ERC2: variants seen among roughly 807,000 people sequenced by gnomAD.
The protein encoded by ERC2 is ERC protein 2.
In ERC2, 42 loss-of-function variants were observed where a neutral mutation model predicts 114.8. That is an observed-to-expected ratio of 0.37 (90% CI 0.29 to 0.47). The LOEUF is 0.47. Ranked by LOEUF, ERC2 falls within the 20% of genes least tolerant of loss-of-function variation. The pLI is 0.99. For missense variants in ERC2, 939 were observed against 1,150.7 expected, an observed-to-expected ratio of 0.82 and a Z score of 2.66; for synonymous variants, 454 against 425.5, an observed-to-expected ratio of 1.07 and a Z score of -0.82.
At chr3:55,895,056 C>T (rs1342020458) in intron 13 of ERC2, among the ~76,000 whole-genome samples, 1 of 152,186 alleles carries the variant, frequency 6.6e-6, no homozygotes, top group African/African-American at 2.4e-5. Context: ...TACACCTGAC[C>T]TCCTTCACAG....
intron 13 of ERC2, among the ~76,000 whole-genome samples, chr3:55,921,965 G>T (rs111843441): frequency 6.6e-6 from 1 of 151,970 alleles, no homozygotes; most frequent in African/African-American, 2.4e-5. Flanking sequence ...AAATTCTAAC[G>T]ATTGTATAAT....
At chr3:55,609,342 A>G (rs1292577780) in intron 17 of ERC2, among the ~76,000 whole-genome samples, 3 of 152,210 alleles carry the variant, frequency 2.0e-5, no homozygotes, top group Admixed American at 6.5e-5. Flanking sequence ...TTCCTCCCCT[A>G]GCCACAGCAT....
intron 3 of ERC2, among the ~76,000 whole-genome samples, chr3:56,211,577 T>A (rs1352990142): frequency 6.6e-6 from 1 of 152,072 alleles, no homozygotes; most frequent in Non-Finnish European, 1.5e-5. Context: ...ACCAGCATTC[T>A]TCACAGAAGT....
intron 2 of ERC2, among the ~76,000 whole-genome samples, chr3:56,334,227 C>G (rs1201085304): frequency 6.6e-6 from 1 of 152,230 alleles, no homozygotes; most frequent in African/African-American, 2.4e-5. Context: ...GCCACCTCCT[C>G]AGCCAAATCT....
chr3:56,434,687 A>C lies in ERC2; in HGVS notation c.321T>G (p.Ala107=), dbSNP rs1266684238. 3.1e-6 allele frequency: 5 copies of C among 1,614,020 alleles called. No homozygotes were observed. The South Asian group carries it at 3.3e-5, about 11-fold the overall frequency. ...AMGSSPNIAS[A]GLSHTDVLSY... The stretch of plus-strand genomic sequence containing the variant: ...AAAGGACATCTGTGTGGGAAAGTCC[A>C]GCAGAAGCAATATTGGGACTACTCC... Residue 107 remains alanine (A), a synonymous_variant, in exon 2 of 18, where the codon GCT becomes GCG. Coordinates refer to ENST00000288221, the MANE Select transcript of ERC2 (RefSeq NM_015576.3).
intron 14 of ERC2, among the ~76,000 whole-genome samples, chr3:55,874,030 C>CTGAATCCA (rs1374209023): frequency 6.6e-6 from 1 of 152,210 alleles, no homozygotes; most frequent in Non-Finnish European, 1.5e-5. Flanking sequence ...AAACAAATGA[C>CTGAATCCA]TGAATCCATG....
At chr3:56,309,246 G>T (rs71309946) in intron 2 of ERC2, among the ~76,000 whole-genome samples, 7,655 of 152,288 alleles carry the variant, frequency 0.05, 372 homozygotes, top group Admixed American at 0.14. Flanking sequence ...ATTTTTAAAA[G>T]CACTGGGACT....
chr3:56,148,640 T>C (rs1047392567), intron 5 of ERC2, among the ~76,000 whole-genome samples: 2 of 152,058 alleles, frequency 1.3e-5, no homozygotes, highest in South Asian at 2.1e-4. Flanking sequence ...TTGACAACGA[T>C]AGCAACTTCA....
chr3:55,905,608 C>T (rs1259310218), intron 13 of ERC2, among the ~76,000 whole-genome samples: 2 of 152,146 alleles, frequency 1.3e-5, no homozygotes, highest in Non-Finnish European at 2.9e-5. Context: ...TAAGCATTGA[C>T]TTCCAAAATC....
At chr3:55,693,131 A>G (rs547074269) in intron 16 of ERC2, among the ~76,000 whole-genome samples, 3 of 152,232 alleles carry the variant, frequency 2.0e-5, no homozygotes, top group Non-Finnish European at 4.4e-5. Flanking sequence ...ATTACTATTT[A>G]TATCCACAGA....
At chr3:56,409,607 TAAG>T (rs2060865095) in intron 2 of ERC2, among the ~76,000 whole-genome samples, 3 of 150,776 alleles carry the variant, frequency 2.0e-5, no homozygotes, top group Non-Finnish European at 4.4e-5. Flanking sequence ...ACCAGAAATA[TAAG>T]AATAAGGCAG....
At chr3:56,206,034 T>C (rs548087123) in intron 3 of ERC2, among the ~76,000 whole-genome samples, 3 of 152,320 alleles carry the variant, frequency 2.0e-5, no homozygotes, top group African/African-American at 7.2e-5. Flanking sequence ...TGTAAGTTCA[T>C]GATGGAATAG....
chr3:55,697,117 G>A (rs815445), intron 16 of ERC2, among the ~76,000 whole-genome samples: 141,258 of 152,226 alleles, frequency 0.93, 65,612 homozygotes, highest in East Asian at 1. Flanking sequence ...TTATTCTAGG[G>A]CTAGACAGCA....
At chr3:55,594,728 C>G (rs1449934197) in intron 17 of ERC2, among the ~76,000 whole-genome samples, 1 of 152,170 alleles carries the variant, frequency 6.6e-6, no homozygotes, top group Non-Finnish European at 1.5e-5. Flanking sequence ...AGGCGTTCCA[C>G]TGACCTTGGC....
intron 7 of ERC2, among the ~76,000 whole-genome samples, chr3:56,054,730 T>C (rs369907566): frequency 6.6e-6 from 1 of 152,338 alleles, no homozygotes; most frequent in East Asian, 1.9e-4. Flanking sequence ...TGTCTGTGGA[T>C]AAAATATGGG....
chr3:56,048,462 A>T (rs979730257), intron 7 of ERC2, among the ~76,000 whole-genome samples: 4 of 152,128 alleles, frequency 2.6e-5, no homozygotes, highest in Non-Finnish European at 5.9e-5. Context: ...TTTTTTTAAT[A>T]TCTAATGTGA....
chr3:56,342,370 ATT>A (rs1331483920), intron 2 of ERC2, among the ~76,000 whole-genome samples: 1 of 152,264 alleles, frequency 6.6e-6, no homozygotes, highest in East Asian at 1.9e-4. Flanking sequence ...TCAGTGTTAG[ATT>A]CCATAATAAC....
intron 14 of ERC2, among the ~76,000 whole-genome samples, chr3:55,840,415 C>G (rs2061080148): frequency 6.6e-6 from 1 of 151,662 alleles, no homozygotes; most frequent in Non-Finnish European, 1.5e-5. Flanking sequence ...CAAAATAAAA[C>G]CACAATTAGA....
intron 4 of ERC2, 39 bp from the exon 5 acceptor site, chr3:56,149,171 T>C: frequency 6.6e-7 from 1 of 1,507,900 alleles, no homozygotes; most frequent in South Asian, 1.3e-5. Flanking sequence ...AAATAAAGAA[T>C]AAAAATTATT....
Sources: allele counts gnomAD v4.1 joint callset (sites outside exome capture counted in the v4.1 genomes callset), GRCh38; gene constraint gnomAD v4.1.1; transcripts MANE v1.5; gene names NCBI Gene and HGNC (gene_info 2026-07-23, HGNC 2026-07-21).